Variants in ADGRB3 observed in about 807,000 individuals in gnomAD.
The protein encoded by ADGRB3 is brain-specific angiogenesis inhibitor 3.
Under a neutral mutation model 193.4 loss-of-function variants are expected in ADGRB3, and 37 were observed. The observed-to-expected ratio is 0.19, with a 90% CI of 0.15 to 0.25. The LOEUF is 0.25. Among genes scored for constraint, ADGRB3 ranks in the 10% least tolerant of loss-of-function variants. The pLI is 1.00. For synonymous variants in ADGRB3, 690 were observed against 644.2 expected (o/e 1.07, Z -1.08); for missense variants, 1,637 against 1,852.9 (o/e 0.88, Z 2.14).
intron 17 of ADGRB3, among the ~76,000 whole-genome samples, chr6:69,156,364 G>C (rs1277864735): frequency 1.3e-5 from 2 of 152,180 alleles, no homozygotes; most frequent in African/African-American, 2.4e-5. Context: ...TAATATTTTA[G>C]CTGATATCTG....
chr6:69,299,782 T>C (rs1164257519), intron 20 of ADGRB3, among the ~76,000 whole-genome samples: 3 of 151,926 alleles, frequency 2.0e-5, no homozygotes, highest in Non-Finnish European at 4.4e-5. Flanking sequence ...TTGGTTACTA[T>C]AGCTTTGTAG....
At chr6:69,040,554 T>C (rs927309948) in intron 13 of ADGRB3, among the ~76,000 whole-genome samples, 1 of 150,914 alleles carries the variant, frequency 6.6e-6, no homozygotes, top group African/African-American at 2.4e-5. Context: ...AGGAGTGGCC[T>C]GAGAGGAAGC....
At chr6:69,368,703 A>G (rs75007590) in intron 29 of ADGRB3, among the ~76,000 whole-genome samples, 1 of 151,526 alleles carries the variant, frequency 6.6e-6, no homozygotes, top group Admixed American at 6.6e-5. Context: ...AAAGAGGGGG[A>G]AAAATAAGAA....
intron 17 of ADGRB3, among the ~76,000 whole-genome samples, chr6:69,104,443 A>T (rs979819564): frequency 3.6e-4 from 55 of 151,658 alleles, no homozygotes; most frequent in African/African-American, 1.2e-3. Flanking sequence ...TTATTGTTGG[A>T]CATTTGGGTT....
intron 17 of ADGRB3, among the ~76,000 whole-genome samples, chr6:69,103,016 A>G (rs935068281): frequency 6.6e-5 from 10 of 152,290 alleles, no homozygotes; most frequent in Admixed American, 4.6e-4. Flanking sequence ...TCTCATGACA[A>G]CAATGCCAAA....
intron 3 of ADGRB3, among the ~76,000 whole-genome samples, chr6:68,759,881 T>A (rs1420363957): frequency 6.6e-6 from 1 of 152,062 alleles, no homozygotes; most frequent in African/African-American, 2.4e-5. Flanking sequence ...CATTACCATA[T>A]ATTGTAAAAT....
chr6:69,044,012 G>T (rs2150300144), intron 13 of ADGRB3, among the ~76,000 whole-genome samples: 1 of 152,106 alleles, frequency 6.6e-6, no homozygotes, highest in East Asian at 1.9e-4. Context: ...GTGCATTCCA[G>T]CCTGGGCGAC....
intron 17 of ADGRB3, among the ~76,000 whole-genome samples, chr6:69,094,696 A>G (rs1337092336): frequency 6.6e-6 from 1 of 152,224 alleles, no homozygotes; most frequent in Non-Finnish European, 1.5e-5. Context: ...TATAGAAGAT[A>G]ATATTAAAGG....
intron 3 of ADGRB3, among the ~76,000 whole-genome samples, chr6:68,907,221 T>C (rs1008298901): frequency 1.3e-5 from 2 of 151,998 alleles, no homozygotes; most frequent in African/African-American, 2.4e-5. Flanking sequence ...GTTTATAATT[T>C]ATTATTGATA....
chr6:68,927,426 G>A (rs562915285), intron 3 of ADGRB3, among the ~76,000 whole-genome samples: 1 of 151,974 alleles, frequency 6.6e-6, no homozygotes, highest in African/African-American at 2.4e-5. Context: ...AAAATAATTG[G>A]TTTTTCCTAA....
At chr6:69,050,633 G>C (rs941252174) in intron 15 of ADGRB3, among the ~76,000 whole-genome samples, 1 of 152,114 alleles carries the variant, frequency 6.6e-6, no homozygotes, top group African/African-American at 2.4e-5. Context: ...AAAATGTTCA[G>C]ATAATCAAAG....
intron 8 of ADGRB3, among the ~76,000 whole-genome samples, chr6:68,963,920 C>G (rs902226447): frequency 1.3e-5 from 2 of 152,104 alleles, no homozygotes; most frequent in African/African-American, 4.8e-5. Context: ...TTCTGAATCC[C>G]TGATTCTTCA....
chr6:69,364,851 A>G (rs1310772177), intron 29 of ADGRB3, among the ~76,000 whole-genome samples: 4 of 152,124 alleles, frequency 2.6e-5, no homozygotes, highest in African/African-American at 7.2e-5. Flanking sequence ...AACAGCAACA[A>G]CAAAAAACAT....
chr6:68,719,362 A>T (rs1325079132), intron 3 of ADGRB3, among the ~76,000 whole-genome samples: 2 of 151,764 alleles, frequency 1.3e-5, no homozygotes, highest in Non-Finnish European at 2.9e-5. Flanking sequence ...TGTTAACTTT[A>T]TTGAATTTTA....
intron 17 of ADGRB3, among the ~76,000 whole-genome samples, chr6:69,162,194 G>A (rs1437319613): frequency 6.6e-6 from 1 of 152,060 alleles, no homozygotes; most frequent in East Asian, 1.9e-4. Flanking sequence ...GAAAATCAAG[G>A]TGAGACTAGT....
At chr6:68,907,755 G>C (rs766821147) in intron 3 of ADGRB3, among the ~76,000 whole-genome samples, 2 of 151,786 alleles carry the variant, frequency 1.3e-5, no homozygotes, top group Non-Finnish European at 2.9e-5. Flanking sequence ...AGTATTTTCA[G>C]ATAAGTTATT....
intron 17 of ADGRB3, among the ~76,000 whole-genome samples, chr6:69,086,157 G>A (rs1035996128): frequency 1.3e-5 from 2 of 151,898 alleles, no homozygotes; most frequent in East Asian, 1.9e-4. Context: ...ACTAAAGATG[G>A]CATTTAAAAA....
intron 15 of ADGRB3, among the ~76,000 whole-genome samples, chr6:69,061,842 C>G (rs2150307541): frequency 2.0e-5 from 1 of 50,566 alleles, no homozygotes; most frequent in Non-Finnish European, 5.7e-5. Flanking sequence ...TACAAAGGGA[C>G]TTGAGAAAAC....
At chr6:68,887,564 T>C (rs1056990681) in intron 3 of ADGRB3, among the ~76,000 whole-genome samples, 1 of 152,076 alleles carries the variant, frequency 6.6e-6, no homozygotes, top group African/African-American at 2.4e-5. Flanking sequence ...GCTATTATAA[T>C]GGAAAAAAAT....
Sources: gnomAD v4.1 joint callset for allele counts (sites outside exome capture counted in the v4.1 genomes callset) on GRCh38, gnomAD v4.1.1 for gene constraint, MANE v1.5 for transcripts, NCBI Gene and HGNC (gene_info 2026-07-23, HGNC 2026-07-21) for gene names.